The following MDM1 variants were observed in gnomAD, a reference collection of about 807,000 sequenced individuals.
The protein encoded by MDM1 is Mdm1 nuclear protein.
A neutral mutation model predicts 89.1 loss-of-function variants in MDM1; 61 were observed. The ratio of observed to expected loss-of-function variants is 0.68; its 90% confidence interval spans 0.56 to 0.85. The LOEUF is 0.85. Among genes scored for constraint, MDM1 ranks in the 40% least tolerant of loss-of-function variants. The pLI is 0.00. For synonymous variants in MDM1, 290 were observed against 294.1 expected (o/e 0.99, Z 0.14); for missense variants, 820 against 846.5 (o/e 0.97, Z 0.39).
intron 14 of MDM1, among the ~76,000 whole-genome samples, chr12:68,296,296 G>A (rs761402519): frequency 1.3e-5 from 2 of 152,154 alleles, no homozygotes; most frequent in Non-Finnish European, 2.9e-5. Flanking sequence ...TCAGGAGTTT[G>A]AGACCATCCT....
chr12:68,317,391 A>G (rs1365291015), intron 7 of MDM1, among the ~76,000 whole-genome samples: 2 of 152,014 alleles, frequency 1.3e-5, no homozygotes, highest in African/African-American at 2.4e-5. Context: ...TTATTCTAGA[A>G]TTGCTTTTCT....
chr12:68,322,003 G>C (rs1041087001), intron 5 of MDM1, among the ~76,000 whole-genome samples: 1 of 152,144 alleles, frequency 6.6e-6, no homozygotes, highest in Non-Finnish European at 1.5e-5. Context: ...TGATGAATTA[G>C]TTACCAAATC....
In MDM1 at chr12:68,302,799, C is replaced by T. The variant is rs766626150; in HGVS notation, c.1823G>A (p.Arg608Gln). The T allele has an allele frequency of 1.6e-5, 25 of 1,611,662 alleles. No homozygotes were observed. The highest frequency in any genetic ancestry group is 5.0e-5 in the Admixed American group (3 of 59,622). Residue 608 changes from arginine to glutamine, a missense_variant, in exon 13 of 15, where the codon CGG (arginine) becomes CAG (glutamine). Transcript: ENST00000682720. ...GTGGATATTGTCTTCAGAATCTTCC[C>T]GCAAAGGCAGAGGATCAACTGTTTT... ...GIKTVDPLPL[R>Q]EDSEDNIHKF...
At chr12:68,329,260 T>C (rs1876445843) in intron 2 of MDM1, among the ~76,000 whole-genome samples, 1 of 152,166 alleles carries the variant, frequency 6.6e-6, no homozygotes, top group South Asian at 2.1e-4. Context: ...AGTTTGCCGC[T>C]GGGTCAGATC....
intron 1 of MDM1, 60 bp downstream of exon 1, chr12:68,332,168 C>T: frequency 6.6e-7 from 1 of 1,503,764 alleles, no homozygotes; most frequent in Non-Finnish European, 8.9e-7. Flanking sequence ...CTCGGCGCTC[C>T]ACACCTCCCC....
chr12:68,321,191 C>A, intron 7 of MDM1, 156 bp downstream of exon 7: 1 of 448,444 alleles, frequency 2.2e-6, no homozygotes, highest in Non-Finnish European at 3.9e-6. Flanking sequence ...TGATAATTTA[C>A]ATTCTAATAC....
At chr12:68,329,775 G>A (rs1331654354) in intron 2 of MDM1, among the ~76,000 whole-genome samples, 2 of 152,160 alleles carry the variant, frequency 1.3e-5, no homozygotes, top group East Asian at 1.9e-4. Flanking sequence ...GGTATAATGA[G>A]GTCAGTCTGT....
At chr12:68,314,859 CAA>C (rs1401535178) in intron 10 of MDM1, 87 bp downstream of exon 10, 11 of 1,134,964 alleles carry the variant, frequency 9.7e-6, no homozygotes, top group South Asian at 9.1e-5. Context: ...GTCATAAAAT[CAA>C]AAGAGTAAAC....
At position 68,302,849 on chromosome 12, in the gene MDM1, T is replaced by C. The variant is rs1254467721; in HGVS notation, c.1773A>G (p.Leu591=). The C allele has an allele frequency of 1.9e-6, 3 of 1,568,870 alleles. No individual in the cohort carries two copies. Among genetic ancestry groups the C allele is most frequent in the Admixed American group, 3.7e-5 (2 of 54,258 alleles). ...TTATACCAGCAGCTGGAGAAGTCAG[T>C]AGGGATACAGCACGACTTTCTTTCT... is the stretch of plus-strand genomic sequence containing the variant. ...FTKKESRAVS[L]LTSPAAGIKT... The change falls in exon 13 of 15, where the codon CTA becomes CTG. Residue 591 remains leucine, a synonymous_variant. Transcript: ENST00000682720.
chr12:68,329,500 G>C (rs1174855479), intron 2 of MDM1, among the ~76,000 whole-genome samples: 1 of 152,112 alleles, frequency 6.6e-6, no homozygotes, highest in Non-Finnish European at 1.5e-5. Flanking sequence ...ACTCAAACCA[G>C]GCCCTTAATA....
chr12:68,301,516 G>C (rs981456741), intron 13 of MDM1, among the ~76,000 whole-genome samples: 6 of 151,972 alleles, frequency 3.9e-5, no homozygotes, highest in Non-Finnish European at 8.8e-5. Flanking sequence ...TTGGGTAACA[G>C]GTGCATTAAA....
intron 13 of MDM1, among the ~76,000 whole-genome samples, chr12:68,298,445 A>C (rs1449905303): frequency 1.3e-5 from 2 of 152,150 alleles, no homozygotes; most frequent in Non-Finnish European, 2.9e-5. Flanking sequence ...CTTAGTGCTC[A>C]TGAAGGGTCT....
intron 4 of MDM1, chr12:68,325,136 A>C: frequency 2.0e-6 from 2 of 986,840 alleles, no homozygotes; most frequent in South Asian, 9.5e-5. Context: ...TAATTTTTTA[A>C]TAAGTAAAAA....
At chr12:68,305,655 G>GC (rs1470893239) in intron 12 of MDM1, among the ~76,000 whole-genome samples, 2 of 151,786 alleles carry the variant, frequency 1.3e-5, no homozygotes, top group African/African-American at 2.4e-5. Context: ...TGTTACAATG[G>GC]CCCCCCAAAA....
intron 12 of MDM1, among the ~76,000 whole-genome samples, chr12:68,309,398 A>G (rs1291431424): frequency 6.6e-6 from 1 of 152,264 alleles, no homozygotes; most frequent in Non-Finnish European, 1.5e-5. Flanking sequence ...GATTAGAACA[A>G]TTCCTTCCAG....
At chr12:68,297,637 G>A (rs962562476) in intron 13 of MDM1, among the ~76,000 whole-genome samples, 6 of 152,126 alleles carry the variant, frequency 3.9e-5, no homozygotes, top group African/African-American at 1.4e-4. Context: ...TTGCACAGCT[G>A]GGTAGTTCCC....
chr12:68,306,172 C>T (rs1872859569), intron 12 of MDM1, among the ~76,000 whole-genome samples: 1 of 152,016 alleles, frequency 6.6e-6, no homozygotes, highest in African/African-American at 2.4e-5. Context: ...GGAAAAAGGA[C>T]ACCCTATTCA....
rs140705369 is a variant in MDM1 at position 68,328,022 on chromosome 12, C to G, written c.134-1001G>C. Among the ~76,000 whole-genome samples, 574 of 152,296 alleles carry G rather than the reference C, an allele frequency of 3.8e-3. 5 individuals carry two copies. Among genetic ancestry groups the G allele is most frequent in the African/African-American group, 0.013 (550 of 41,546 alleles). On this transcript the variant is annotated intron_variant, in intron 2 of 14. Transcript: ENST00000682720. ...CTGCCATCTGCAGTTCCATTTCCCACCGCCCCTTTCATAATCTCCTTTTTC... is the reference window on the plus strand; with the variant it reads ...CTGCCATCTGCAGTTCCATTTCCCAGCGCCCCTTTCATAATCTCCTTTTTC...
At chr12:68,326,590 C>G in intron 3 of MDM1, 67 bp downstream of exon 3, 1 of 1,613,806 alleles carries the variant, frequency 6.2e-7, no homozygotes, top group Non-Finnish European at 8.5e-7. Context: ...TGTAATATTA[C>G]AGAAATGACA....
Sources: allele counts gnomAD v4.1 joint callset (sites outside exome capture counted in the v4.1 genomes callset), GRCh38; gene constraint gnomAD v4.1.1; transcripts MANE v1.5; gene names NCBI Gene and HGNC (gene_info 2026-07-23, HGNC 2026-07-21).